The following SLC30A9 variants were observed in gnomAD, a reference collection of about 807,000 sequenced individuals.
SLC30A9 encodes proton-coupled zinc antiporter SLC30A9, mitochondrial.
SLC30A9 carries 58 observed loss-of-function variants against 87.5 expected under a neutral mutation model. That is an observed-to-expected ratio of 0.66 (90% CI 0.54 to 0.82). The LOEUF (loss-of-function observed/expected upper bound fraction) is 0.82, where lower values mean the gene tolerates loss of function less well. Among genes scored for constraint, SLC30A9 ranks in the 40% least tolerant of loss-of-function variants. The pLI is 0.00. For synonymous variants in SLC30A9, 234 were observed against 233.0 expected (o/e 1.00, Z -0.04); for missense variants, 557 against 679.1 (o/e 0.82, Z 2.00).
At chr4:42,051,267 C>T (rs973604026) in intron 9 of SLC30A9, among the ~76,000 whole-genome samples, 4 of 152,192 alleles carry the variant, frequency 2.6e-5, no homozygotes, top group African/African-American at 9.7e-5. Context: ...AAGGATCAAG[C>T]TGATCTTCAA....
At chr4:41,994,492 T>G (rs539579730) in intron 1 of SLC30A9, among the ~76,000 whole-genome samples, 8 of 151,694 alleles carry the variant, frequency 5.3e-5, no homozygotes, top group South Asian at 4.2e-4. Context: ...GTATACTAGA[T>G]GAACACTGAA....
At chr4:42,001,991 C>T (rs1715006185) in intron 2 of SLC30A9, among the ~76,000 whole-genome samples, 1 of 151,976 alleles carries the variant, frequency 6.6e-6, no homozygotes, top group South Asian at 2.1e-4. Context: ...TACTTATCTA[C>T]TTAAACTAAA....
Position 41,990,736 on chromosome 4 carries a change from G to A in SLC30A9, c.85G>A (p.Ala29Thr). ...GCTCCGTCTGCGATGCAGGGCGGCG[G>A]CCTGTAATCCCAGCGACCGCCAGGG... is the stretch of plus-strand genomic sequence containing the variant. ...CRLRLRCRAAACNPSDRQEWQ... is the reference protein window; with the variant it reads ...CRLRLRCRAATCNPSDRQEWQ... The change falls in exon 1 of 18, where the codon GCC becomes ACC. Residue 29 changes from alanine (A) to threonine (T), a missense_variant. Around this residue, in one of 2 missense-constraint regions of SLC30A9, gnomAD observed 467 missense variants for 529.8 expected, o/e 0.88. Coordinates refer to ENST00000264451, the MANE Select transcript of SLC30A9 (RefSeq NM_006345.4). 9 of 1,611,152 alleles carry A rather than the reference G, an allele frequency of 5.6e-6. No individual in the cohort carries two copies. The highest frequency in any genetic ancestry group is 7.6e-6 in the Non-Finnish European group (9 of 1,179,062).
rs563744781 is a variant in SLC30A9, at chr4:42,073,732, G to A, written c.1419-1925G>A. Among the ~76,000 whole-genome samples the A allele has an allele frequency of 9.2e-5, 14 of 152,164 alleles. 1 individual carries two copies. Among genetic ancestry groups the A allele is most frequent in the African/African-American group, 2.4e-4 (10 of 41,434 alleles). On this transcript the variant is annotated intron_variant, in intron 15 of 17. Transcript: ENST00000264451. The stretch of plus-strand genomic sequence containing the variant: ...ACATGGCAGCTTGCTTAATCAAAGC[G>A]TGCAAATTGATAAGGCAATAGAGAG...
chr4:42,033,084 C>G (rs191138277), intron 6 of SLC30A9, among the ~76,000 whole-genome samples: 2 of 152,070 alleles, frequency 1.3e-5, no homozygotes, highest in Non-Finnish European at 2.9e-5. Context: ...GTGTTAAAGT[C>G]ACTTAAAATT....
chr4:42,067,952 A>C (rs971410297), intron 14 of SLC30A9, among the ~76,000 whole-genome samples: 1 of 152,216 alleles, frequency 6.6e-6, no homozygotes, highest in African/African-American at 2.4e-5. Context: ...GAAAGCGCTC[A>C]GCAAGCCTAC....
intron 9 of SLC30A9, among the ~76,000 whole-genome samples, chr4:42,056,239 T>C (rs1209740777): frequency 6.6e-6 from 1 of 152,112 alleles, no homozygotes; most frequent in Admixed American, 6.5e-5. Context: ...TGTATACATA[T>C]ATACACATAA....
At chr4:42,025,986 C>T (rs1211034028) in intron 6 of SLC30A9, among the ~76,000 whole-genome samples, 3 of 152,072 alleles carry the variant, frequency 2.0e-5, no homozygotes, top group African/African-American at 7.2e-5. Context: ...TGAGGTCTCA[C>T]TATGTTGCCC....
intron 16 of SLC30A9, among the ~76,000 whole-genome samples, chr4:42,076,649 G>A (rs1472757129): frequency 6.6e-6 from 1 of 151,970 alleles, no homozygotes; most frequent in African/African-American, 2.4e-5. Flanking sequence ...TCCAGTTGAT[G>A]GACATTTATA....
At chr4:42,060,849 T>C (rs1190359855) in intron 10 of SLC30A9, among the ~76,000 whole-genome samples, 3 of 152,182 alleles carry the variant, frequency 2.0e-5, no homozygotes, top group Non-Finnish European at 4.4e-5. Flanking sequence ...ATTTGATAAA[T>C]CTTAAGACCA....
chr4:42,077,258 T>G (rs1391242822), intron 16 of SLC30A9, among the ~76,000 whole-genome samples: 1 of 152,192 alleles, frequency 6.6e-6, no homozygotes, highest in East Asian at 1.9e-4. Flanking sequence ...TAGTATCTTG[T>G]TCTAATTTTA....
chr4:42,087,770 C>T lies in SLC30A9; in HGVS notation c.*1644C>T, dbSNP rs1156810159. On this transcript the variant is annotated 3_prime_UTR_variant, in exon 18 of 18. Transcript: ENST00000264451. The stretch of plus-strand genomic sequence containing the variant: ...TTTACAAAAAAAACTTTTTTTTTAC[C>T]TGTTATGATTTATTCTATACTTTTT... 4 of 150,304 alleles carry T rather than the reference C, an allele frequency of 2.7e-5. No individual in the cohort carries two copies. Among genetic ancestry groups the T allele is most frequent in the East Asian group, 3.9e-4 (2 of 5,154 alleles). 9.3% of individuals were successfully genotyped at this position (150,304 alleles called of 1,614,324 possible). A position where few individuals can be genotyped will look rare whatever the true frequency, so the allele number is the denominator to read the frequency against.
At position 42,089,268 on chromosome 4, in the gene SLC30A9, G is replaced by A. The variant is rs1450457276; in HGVS notation, c.*3142G>A. 6.6e-6 allele frequency: 1 copy of A among 152,058 alleles called. No individual in the cohort carries two copies. 9.4% of individuals were successfully genotyped at this position (152,058 alleles called of 1,614,324 possible). ...AAGAATTTTTATGATGGGTTTATTG[G>A]CACATAACCCAATAATAAGTAAAAA... On this transcript the variant is annotated 3_prime_UTR_variant, in exon 18 of 18. Transcript: ENST00000264451.
intron 1 of SLC30A9, among the ~76,000 whole-genome samples, 154 bp from the exon 2 acceptor site, chr4:42,001,462 A>G (rs1386486100): frequency 2.0e-5 from 3 of 152,206 alleles, no homozygotes; most frequent in African/African-American, 7.2e-5. Context: ...TACAAGTTAG[A>G]GAAAATTAGA....
rs1331554819 is a variant in SLC30A9, at chr4:41,990,645, C to T, written c.-7C>T. ...GGTGTCCGAGTAGGGGCCTCTGCCC[C>T]ACCAGGATGTTACCCGGCTTGGCCG... On this transcript the variant is annotated 5_prime_UTR_variant, in exon 1 of 18. Transcript: ENST00000264451. 6.3e-7 allele frequency: 1 copy of T among 1,587,274 alleles called. No individual in the cohort carries two copies. Among genetic ancestry groups the T allele is most frequent in the Non-Finnish European group, 8.6e-7 (1 of 1,159,148 alleles).
intron 15 of SLC30A9, 94 bp from the exon 16 acceptor site, chr4:42,075,563 G>C: frequency 8.6e-7 from 1 of 1,164,544 alleles, no homozygotes; most frequent in Non-Finnish European, 1.2e-6. Flanking sequence ...TAACTAGTGG[G>C]GAAAAAAACA....
chr4:42,045,946 T>G lies in SLC30A9; in HGVS notation c.738-3431T>G, dbSNP rs534745598. 9.9e-5 allele frequency among the ~76,000 whole-genome samples: 15 copies of G among 152,176 alleles called. 1 individual carries two copies. In the South Asian group the frequency reaches 3.1e-3, roughly 32 times the overall value. ...GCATCAACATATGCAAAATAATAAA[T>G]GTAATCCATTAAATAAACAGAACCA... is the stretch of plus-strand genomic sequence containing the variant. On this transcript the variant is annotated intron_variant, in intron 8 of 17. Transcript: ENST00000264451.
intron 6 of SLC30A9, among the ~76,000 whole-genome samples, chr4:42,032,178 C>T (rs997930969): frequency 2.0e-5 from 3 of 152,146 alleles, no homozygotes; most frequent in Admixed American, 1.3e-4. Flanking sequence ...ATTGCTAAAT[C>T]ATTCATGAGA....
intron 2 of SLC30A9, among the ~76,000 whole-genome samples, chr4:42,015,085 A>G (rs1226098307): frequency 6.6e-6 from 1 of 152,204 alleles, no homozygotes; most frequent in Non-Finnish European, 1.5e-5. Context: ...CAAACGATAA[A>G]TATTTGAGAT....
Sources: gnomAD v4.1 joint callset for allele counts (sites outside exome capture counted in the v4.1 genomes callset) on GRCh38, gnomAD v4.1.1 for gene constraint, gnomAD v4.1.1 regional missense constraint, MANE v1.5 for transcripts, NCBI Gene and HGNC (gene_info 2026-07-23, HGNC 2026-07-21) for gene names.